Variants in PHLDB2 observed in about 807,000 individuals in gnomAD.
PHLDB2 encodes pleckstrin homology like domain family B member 2.
PHLDB2 carries 71 observed loss-of-function variants against 123.6 expected under a neutral mutation model. The observed-to-expected ratio is 0.57, with a 90% CI of 0.47 to 0.70. The LOEUF is 0.70. Among genes scored for constraint, PHLDB2 ranks in the 30% least tolerant of loss-of-function variants. The probability of loss-of-function intolerance (pLI) is 0.00; values close to 1 mark genes in which losing one functional copy is unlikely to be tolerated. For synonymous variants in PHLDB2, 547 were observed against 541.6 expected, an observed-to-expected ratio of 1.01 and a Z score of -0.14; for missense variants, 1,446 against 1,519.5, an observed-to-expected ratio of 0.95 and a Z score of 0.80.
chr3:111,768,445 C>A (rs1189234642), intron 1 of PHLDB2, among the ~76,000 whole-genome samples: 1 of 152,080 alleles, frequency 6.6e-6, no homozygotes. Flanking sequence ...TGTAAGAGGA[C>A]AACTGGTGAG....
chr3:111,861,506 CAG>C (rs1443115616), intron 1 of PHLDB2, among the ~76,000 whole-genome samples: 4 of 152,148 alleles, frequency 2.6e-5, no homozygotes, highest in Non-Finnish European at 5.9e-5. Context: ...CTCAGCCTGT[CAG>C]AAGTGGAAAA....
rs545018643 is a variant in PHLDB2, at chr3:111,780,408, A to G, written c.-49+47705A>G. 1.4e-3 allele frequency among the ~76,000 whole-genome samples: 183 copies of G among 133,620 alleles called. 6 individuals carry two copies. Among genetic ancestry groups the G allele is most frequent in the African/African-American group, 4.8e-3 (167 of 34,700 alleles). The allele number at this position is 133,620 out of a possible 152,430, so 87.7% of individuals were successfully genotyped here. On this transcript the variant is annotated intron_variant, in intron 1 of 17. Transcript: ENST00000393923. ...AAGAAGAAGAAGAAGAAGAAGAAGA[A>G]GAAAAAGATTAGTTCGGCCCAACTT... is the stretch of plus-strand genomic sequence containing the variant.
At chr3:111,913,186 A>G in intron 2 of PHLDB2, 133 bp from the exon 3 acceptor site, 1 of 1,043,228 alleles carries the variant, frequency 9.6e-7, no homozygotes, top group South Asian at 1.7e-5. Context: ...TATGAAAATC[A>G]TCACCAGCCA....
intron 1 of PHLDB2, among the ~76,000 whole-genome samples, chr3:111,839,824 C>A (rs1461985844): frequency 6.6e-6 from 1 of 151,520 alleles, no homozygotes; most frequent in Non-Finnish European, 1.5e-5. Context: ...TATGCATTAT[C>A]ATTTCTCAGC....
At chr3:111,872,646 G>A (rs1270387477) in intron 1 of PHLDB2, among the ~76,000 whole-genome samples, 5 of 151,960 alleles carry the variant, frequency 3.3e-5, no homozygotes, top group Non-Finnish European at 7.4e-5. Context: ...CAAAATACAC[G>A]ACTGATGACT....
At chr3:111,868,547 A>T (rs1417514494) in intron 1 of PHLDB2, among the ~76,000 whole-genome samples, 1 of 151,622 alleles carries the variant, frequency 6.6e-6, no homozygotes, top group Non-Finnish European at 1.5e-5. Flanking sequence ...CTTTTTTTTA[A>T]AAAAAATATT....
At chr3:111,817,385 T>A (rs73226326) in intron 1 of PHLDB2, among the ~76,000 whole-genome samples, 24,352 of 152,146 alleles carry the variant, frequency 0.16, 2,232 homozygotes, top group Non-Finnish European at 0.19. Context: ...TTCTTGCATA[T>A]AAGACGTGAA....
chr3:111,927,212 A>T (rs1335119538), intron 5 of PHLDB2, among the ~76,000 whole-genome samples: 2 of 142,138 alleles, frequency 1.4e-5, no homozygotes, highest in African/African-American at 5.2e-5. Flanking sequence ...ATACATAGAT[A>T]GGACTTTGAA....
Position 111,884,865 on chromosome 3 carries a change from C to G in PHLDB2, c.788C>G (p.Thr263Arg), listed in dbSNP as rs749691625. ...TCACTTCCCAGGTTGTACAGAGCCACAGAGAACCAGCTGACACCTCTCAGC... is the reference window on the plus strand; with the variant it reads ...TCACTTCCCAGGTTGTACAGAGCCAGAGAGAACCAGCTGACACCTCTCAGC... ...SRSLPRLYRA[T>R]ENQLTPLSLP... Residue 263 changes from threonine to arginine, a missense_variant, in exon 2 of 18, where the codon ACA becomes AGA. This residue lies in a region of PHLDB2 where 832 missense variants were observed against 831.9 expected (regional missense o/e 1.00). Transcript: ENST00000431670. 2 of 1,614,192 alleles carry G rather than the reference C, an allele frequency of 1.2e-6. No homozygotes were observed. The highest frequency in any genetic ancestry group is 1.7e-6 in the Non-Finnish European group (2 of 1,180,034).
intron 2 of PHLDB2, among the ~76,000 whole-genome samples, chr3:111,895,221 T>C (rs2066760846): frequency 6.6e-6 from 1 of 152,170 alleles, no homozygotes; most frequent in African/African-American, 2.4e-5. Flanking sequence ...AGTAGTCCAT[T>C]CTTGAGAGCA....
At position 111,913,631 on chromosome 3, in the gene PHLDB2, A is replaced by G. The variant is rs750989597; in HGVS notation, c.1648A>G (p.Thr550Ala). ...TGAACTACTCAGTGACCTCACCCGG[A>G]CTCCTCCACCACCATCCTCCACCTT... is the stretch of plus-strand genomic sequence containing the variant. Reference protein sequence around the residue: ...NDELLSDLTRTPPPPSSTFPK... With the variant: ...NDELLSDLTRAPPPPSSTFPK... Residue 550 changes from threonine (T) to alanine (A), a missense_variant, in exon 3 of 18, where the codon ACT becomes GCT. Transcript: ENST00000431670. The G allele has an allele frequency of 1.2e-6, 2 of 1,613,578 alleles. No homozygotes were observed. The highest frequency in any genetic ancestry group is 1.7e-6 in the Non-Finnish European group (2 of 1,179,820).
chr3:111,752,714 T>C (rs112903683), intron 1 of PHLDB2, among the ~76,000 whole-genome samples: 177 of 152,130 alleles, frequency 1.2e-3, no homozygotes, highest in African/African-American at 2.5e-3. Flanking sequence ...TAGTTACATA[T>C]GTATACATGC....
chr3:111,770,112 C>A (rs909101648), intron 1 of PHLDB2, among the ~76,000 whole-genome samples: 5 of 152,124 alleles, frequency 3.3e-5, no homozygotes, highest in Non-Finnish European at 7.4e-5. Flanking sequence ...AAAAACAGGC[C>A]AGAGCCACAC....
intron 12 of PHLDB2, among the ~76,000 whole-genome samples, chr3:111,960,551 T>C (rs1470865426): frequency 1.3e-4 from 20 of 152,208 alleles, no homozygotes; most frequent in Non-Finnish European, 1.5e-5. Context: ...TACAATGCTT[T>C]GTTAAGGCAT....
chr3:111,970,777 C>A (rs1020198782), intron 16 of PHLDB2, among the ~76,000 whole-genome samples: 21 of 152,128 alleles, frequency 1.4e-4, no homozygotes, highest in Admixed American at 4.6e-4. Flanking sequence ...ATGAAAAAAA[C>A]CCTGTTTTGG....
chr3:111,955,557 C>A (rs1022135048), intron 12 of PHLDB2, among the ~76,000 whole-genome samples: 1 of 151,998 alleles, frequency 6.6e-6, no homozygotes, highest in African/African-American at 2.4e-5. Context: ...TTCAAGTGAT[C>A]CTCCCACCTC....
chr3:111,971,591 G>A lies in PHLDB2; in HGVS notation c.3535+1682G>A, dbSNP rs537327790. Among the ~76,000 whole-genome samples, 8 of 152,182 alleles carry A rather than the reference G, an allele frequency of 5.3e-5. No homozygotes were observed. The East Asian group carries it at 1.5e-3, about 29-fold the overall frequency. ...AGACCTAGTTGGACAAACGCTGCTCGTTCGGTTCTGTTTACGGCCATCACC... is the reference window on the plus strand; with the variant it reads ...AGACCTAGTTGGACAAACGCTGCTCATTCGGTTCTGTTTACGGCCATCACC... On this transcript the variant is annotated intron_variant, in intron 16 of 17. Coordinates refer to ENST00000431670, the MANE Select transcript of PHLDB2 (RefSeq NM_001134438.2).
chr3:111,760,304 G>A (rs757035006), intron 1 of PHLDB2, among the ~76,000 whole-genome samples: 5 of 152,228 alleles, frequency 3.3e-5, no homozygotes, highest in East Asian at 3.9e-4. Flanking sequence ...TTTACCTTAC[G>A]TGGACTGTAA....
At chr3:111,800,112 C>T (rs1263105168) in intron 1 of PHLDB2, among the ~76,000 whole-genome samples, 1 of 152,114 alleles carries the variant, frequency 6.6e-6, no homozygotes, top group Admixed American at 6.5e-5. Flanking sequence ...CTCAGGTAAT[C>T]CTCCCACTTC....
Sources: allele counts gnomAD v4.1 joint callset (sites outside exome capture counted in the v4.1 genomes callset), GRCh38; gene constraint gnomAD v4.1.1; regional missense constraint gnomAD v4.1.1; transcripts MANE v1.5; gene names NCBI Gene and HGNC (gene_info 2026-07-23, HGNC 2026-07-21).